The following JARID2 variants were observed in gnomAD, a reference collection of about 807,000 sequenced individuals.
JARID2 encodes the protein jumonji and AT-rich interaction domain containing 2.
A neutral mutation model predicts 125.6 loss-of-function variants in JARID2; 21 were observed. That is an observed-to-expected ratio of 0.17 (90% CI 0.12 to 0.24). JARID2 has a LOEUF of 0.24. Among genes scored for constraint, JARID2 ranks in the 10% least tolerant of loss-of-function variants. The pLI is 1.00. For missense variants in JARID2, 1,303 were observed against 1,639.6 expected (o/e 0.79, Z 3.55); for synonymous variants, 736 against 661.6 (o/e 1.11, Z -1.73).
intron 1 of JARID2, among the ~76,000 whole-genome samples, chr6:15,350,732 T>G (rs1409039388): frequency 7.7e-6 from 1 of 130,694 alleles, no homozygotes; most frequent in Non-Finnish European, 1.6e-5. Context: ...AGTTTAAGGT[T>G]TTTTTTTTTT....
At chr6:15,501,438 C>G (rs745702843) in intron 8 of JARID2, 29 bp downstream of exon 8, 22 of 1,513,018 alleles carry the variant, frequency 1.5e-5, no homozygotes, top group Admixed American at 4.5e-5. Context: ...CAGCCACTCC[C>G]AGCTGCAGGA....
chr6:15,282,371 CT>C (rs1221698028), intron 1 of JARID2, among the ~76,000 whole-genome samples: 1 of 152,134 alleles, frequency 6.6e-6, no homozygotes, highest in Non-Finnish European at 1.5e-5. Context: ...TATACAGCTT[CT>C]TTGGTTTTTG....
chr6:15,299,569 C>T, intron 1 of JARID2, among the ~76,000 whole-genome samples: 1 of 152,248 alleles, frequency 6.6e-6, no homozygotes, highest in African/African-American at 2.4e-5. Flanking sequence ...AGTTGGCCTG[C>T]GTTGAGAACT....
intron 1 of JARID2, among the ~76,000 whole-genome samples, chr6:15,344,049 C>A (rs1352928411): frequency 1.4e-5 from 2 of 146,170 alleles, no homozygotes; most frequent in Admixed American, 6.9e-5. Flanking sequence ...ATGCAAAATT[C>A]TCTTGAATTT....
In JARID2 at chr6:15,276,958, A is replaced by G. The variant is rs144275358; in HGVS notation, c.45+30374A>G. ...GTATACCATATGGACCAGGGAACAC[A>G]TTGGACAAGGCGAAAGCTTGTTACC... On this transcript the variant is annotated intron_variant, in intron 1 of 17. Transcript: ENST00000341776. Among the ~76,000 whole-genome samples the G allele has an allele frequency of 2.3e-3, 350 of 152,350 alleles. 3 individuals are homozygous for G. The highest frequency in any genetic ancestry group is 0.015 in the Admixed American group (236 of 15,310).
At chr6:15,481,305 G>T (rs1020421153) in intron 5 of JARID2, among the ~76,000 whole-genome samples, 4 of 152,132 alleles carry the variant, frequency 2.6e-5, no homozygotes, top group African/African-American at 9.7e-5. Flanking sequence ...TCCTAATATG[G>T]TTCACAGTGA....
At chr6:15,403,370 A>C (rs949810249) in intron 2 of JARID2, among the ~76,000 whole-genome samples, 1 of 151,934 alleles carries the variant, frequency 6.6e-6, no homozygotes, top group African/African-American at 2.4e-5. Flanking sequence ...TACGAAGGGG[A>C]GATCTTTTGT....
chr6:15,441,691 C>G (rs993488281), intron 3 of JARID2, among the ~76,000 whole-genome samples: 4 of 152,162 alleles, frequency 2.6e-5, no homozygotes, highest in Non-Finnish European at 4.4e-5. Context: ...AGGACCTCAC[C>G]TACCGCACAA....
chr6:15,420,731 A>T (rs554267980), intron 3 of JARID2, among the ~76,000 whole-genome samples: 16 of 152,222 alleles, frequency 1.1e-4, no homozygotes, highest in South Asian at 4.1e-4. Flanking sequence ...GAACAGTTTG[A>T]TCTGTTTGGA....
At chr6:15,465,570 C>A (rs1581602216) in intron 4 of JARID2, among the ~76,000 whole-genome samples, 1 of 152,164 alleles carries the variant, frequency 6.6e-6, no homozygotes, top group East Asian at 1.9e-4. Flanking sequence ...AACATAAACT[C>A]AATCCTCACC....
At chr6:15,364,809 C>T (rs956066549) in intron 1 of JARID2, among the ~76,000 whole-genome samples, 5 of 152,256 alleles carry the variant, frequency 3.3e-5, no homozygotes, top group Non-Finnish European at 5.9e-5. Flanking sequence ...ATGACAGAAC[C>T]GTTCTGTAGC....
At chr6:15,302,727 G>C (rs1392829610) in intron 1 of JARID2, among the ~76,000 whole-genome samples, 3 of 151,898 alleles carry the variant, frequency 2.0e-5, no homozygotes, top group African/African-American at 7.3e-5. Context: ...GTTATTTGGT[G>C]GTTATTTATT....
chr6:15,481,231 C>T (rs769683670), intron 5 of JARID2, among the ~76,000 whole-genome samples: 17 of 152,190 alleles, frequency 1.1e-4, no homozygotes, highest in Non-Finnish European at 2.2e-4. Flanking sequence ...TATGTGTATA[C>T]AAATCAATAT....
chr6:15,372,389 T>C (rs1160257110), intron 1 of JARID2, among the ~76,000 whole-genome samples: 1 of 152,142 alleles, frequency 6.6e-6, no homozygotes, highest in Non-Finnish European at 1.5e-5. Flanking sequence ...GACAGAGTTT[T>C]GCTCTGTCTC....
chr6:15,401,353 A>G lies in JARID2; in HGVS notation c.182-8871A>G, dbSNP rs192142856. ...CATTTTGGCCAAAGCTGCAGTTTCA[A>G]TCAGGCTTGTATGACTTTAGACATT... On this transcript the variant is annotated intron_variant, in intron 2 of 17. Transcript: ENST00000341776. 3.9e-4 allele frequency among the ~76,000 whole-genome samples: 59 copies of G among 152,328 alleles called. 1 individual carries two copies. The highest frequency in any genetic ancestry group is 1.3e-3 in the African/African-American group (53 of 41,566).
chr6:15,447,044 T>TC (rs1474036496), intron 3 of JARID2, among the ~76,000 whole-genome samples: 2 of 152,172 alleles, frequency 1.3e-5, no homozygotes, highest in African/African-American at 2.4e-5. Flanking sequence ...CTTTCTTATT[T>TC]CCCCAAACAG....
intron 3 of JARID2, among the ~76,000 whole-genome samples, chr6:15,418,810 A>G (rs1256931459): frequency 1.3e-5 from 2 of 152,316 alleles, no homozygotes; most frequent in East Asian, 3.9e-4. Flanking sequence ...GGATATGAAG[A>G]CATGTTGAAA....
chr6:15,465,885 C>T (rs1055271535), intron 4 of JARID2, among the ~76,000 whole-genome samples: 1 of 151,990 alleles, frequency 6.6e-6, no homozygotes, highest in Admixed American at 6.6e-5. Flanking sequence ...CTCACTGCAA[C>T]CTTCGCCTCC....
At chr6:15,333,117 A>G (rs1182238947) in intron 1 of JARID2, among the ~76,000 whole-genome samples, 3 of 151,598 alleles carry the variant, frequency 2.0e-5, no homozygotes, top group Non-Finnish European at 4.4e-5. Flanking sequence ...TATTTTTAGT[A>G]GAGACGGGGT....
Sources: gnomAD v4.1 joint callset for allele counts (sites outside exome capture counted in the v4.1 genomes callset) on GRCh38, gnomAD v4.1.1 for gene constraint, MANE v1.5 for transcripts, NCBI Gene and HGNC (gene_info 2026-07-23, HGNC 2026-07-21) for gene names.